Variants in ZMYM2 observed in about 807,000 individuals in gnomAD.
ZMYM2 encodes zinc finger MYM-type containing 2, also known as zinc finger MYM-type protein 2.
In ZMYM2, 56 loss-of-function variants were observed where a neutral mutation model predicts 162.8. That is an observed-to-expected ratio of 0.34 (90% CI 0.28 to 0.43). ZMYM2 has a LOEUF of 0.43. ZMYM2 is among the 20% of genes least tolerant of loss of function. ZMYM2 has a pLI of 1.00. For missense variants in ZMYM2, 1,275 were observed against 1,621.8 expected (o/e 0.79, Z 3.67); for synonymous variants, 510 against 541.6 (o/e 0.94, Z 0.81).
At chr13:19,932,454 C>T in the ZMYM2 span, among the ~76,000 whole-genome samples, 1 of 151,992 alleles carries the variant, frequency 6.6e-6, no homozygotes, top group Non-Finnish European at 1.5e-5. Context: ...TCAAGACCAG[C>T]CTGGTCAATA....
At chr13:19,884,052 G>A in the ZMYM2 span, among the ~76,000 whole-genome samples, 2 of 152,264 alleles carry the variant, frequency 1.3e-5, no homozygotes, top group South Asian at 2.1e-4. Flanking sequence ...GCCCCCGGGC[G>A]TGGCCTATAT....
At chr13:19,923,733 T>G in the ZMYM2 span, among the ~76,000 whole-genome samples, 1 of 148,644 alleles carries the variant, frequency 6.7e-6, no homozygotes, top group Admixed American at 6.9e-5. Flanking sequence ...TGCAGTGGCA[T>G]GATCTTGGCT....
chr13:19,966,732 C>T (rs368230358), intron 2 of ZMYM2, among the ~76,000 whole-genome samples: 5 of 152,150 alleles, frequency 3.3e-5, no homozygotes, highest in East Asian at 1.9e-4. Context: ...TGAGCCACCG[C>T]GCCCAGCCTG....
rs1463035182 is a variant in ZMYM2 at position 20,085,691 on chromosome 13, T to C, written c.3942-131T>C. On this transcript the variant is annotated intron_variant, in intron 24 of 24. Transcript: ENST00000610343. ...TGAGAATATTTTAATGACAGAATAA[T>C]GGAGACAGTGGGGCATAGGGGGTCT... 4 of 623,108 alleles carry C rather than the reference T, an allele frequency of 6.4e-6. No homozygotes were observed. The East Asian group carries it at 8.4e-5, about 13-fold the overall frequency. 38.6% of individuals were successfully genotyped at this position (623,108 alleles called of 1,614,324 possible).
chr13:19,917,032 C>T, the ZMYM2 span, among the ~76,000 whole-genome samples: 1 of 152,104 alleles, frequency 6.6e-6, no homozygotes, highest in Admixed American at 6.5e-5. Flanking sequence ...GAGCGATCTC[C>T]GCTCGCTGCA....
At chr13:20,029,160 G>T (rs545356980) in intron 9 of ZMYM2, among the ~76,000 whole-genome samples, 31 of 152,346 alleles carry the variant, frequency 2.0e-4, no homozygotes, top group African/African-American at 7.2e-4. Flanking sequence ...AGGTTAGTAA[G>T]TCCAAGATAA....
chr13:19,984,872 T>G (rs752809483), intron 2 of ZMYM2, among the ~76,000 whole-genome samples: 5 of 152,194 alleles, frequency 3.3e-5, no homozygotes, highest in Non-Finnish European at 7.3e-5. Flanking sequence ...TCTAAGGAGA[T>G]CGAATTGACA....
the ZMYM2 span, among the ~76,000 whole-genome samples, chr13:19,906,945 C>G: frequency 6.6e-6 from 1 of 152,076 alleles, no homozygotes; most frequent in African/African-American, 2.4e-5. Context: ...AGGCTGGTCT[C>G]AAACTCCTGG....
intron 2 of ZMYM2, among the ~76,000 whole-genome samples, chr13:19,974,354 T>C (rs1229106072): frequency 2.0e-5 from 3 of 152,232 alleles, no homozygotes; most frequent in African/African-American, 7.2e-5. Context: ...TTAGAGTTGC[T>C]TCATTGTTTT....
chr13:20,041,900 T>G (rs932947078), intron 12 of ZMYM2, among the ~76,000 whole-genome samples: 14 of 152,302 alleles, frequency 9.2e-5, no homozygotes, highest in Admixed American at 7.8e-4. Flanking sequence ...CTCTTCTGGC[T>G]TATAGGGTTT....
intron 21 of ZMYM2, among the ~76,000 whole-genome samples, chr13:20,075,999 T>G (rs1957481083): frequency 1.3e-5 from 2 of 151,022 alleles, no homozygotes; most frequent in Admixed American, 1.3e-4. Context: ...CCAGCCACTT[T>G]TTTTTCTTTA....
At chr13:19,971,362 C>T (rs909207934) in intron 2 of ZMYM2, among the ~76,000 whole-genome samples, 3 of 143,730 alleles carry the variant, frequency 2.1e-5, no homozygotes, top group Non-Finnish European at 3.1e-5. Context: ...CCTCTGCCTC[C>T]GGGGTTGAAG....
intron 12 of ZMYM2, among the ~76,000 whole-genome samples, chr13:20,048,383 C>T (rs1191763882): frequency 6.6e-6 from 1 of 151,750 alleles, no homozygotes; most frequent in East Asian, 1.9e-4. Flanking sequence ...CCGGAGAATT[C>T]CTATGCTTTG....
rs571943195 is a variant in ZMYM2, at chr13:19,995,676, G to GC, written c.847+1763dup. On this transcript the variant is annotated intron_variant, in intron 3 of 24. Transcript: ENST00000610343. ...TTACAGGTGTGAGCCACTGTACCCA[G>GC]CCCCCCACCTTTTTTTTTGAAGGTT... Among the ~76,000 whole-genome samples, 238 of 152,204 alleles carry GC rather than the reference G, an allele frequency of 1.6e-3. 1 individual carries two copies. Among genetic ancestry groups the GC allele is most frequent in the African/African-American group, 5.3e-3 (221 of 41,522 alleles).
chr13:19,926,214 G>A, the ZMYM2 span, among the ~76,000 whole-genome samples: 1 of 151,634 alleles, frequency 6.6e-6, no homozygotes, highest in African/African-American at 2.4e-5. Context: ...ACCCACCTCG[G>A]CCTCCCAAAG....
upstream of ZMYM2, among the ~76,000 whole-genome samples, chr13:19,955,545 C>T (rs566136107): frequency 7.9e-5 from 12 of 152,298 alleles, no homozygotes; most frequent in East Asian, 1.9e-4. Context: ...TCTCAATTAA[C>T]GGTGAGCTCT....
At position 20,087,155 on chromosome 13, in the gene ZMYM2, T is replaced by C. The variant is rs148818395; in HGVS notation, c.*1141T>C. 6.4e-3 allele frequency: 1,198 copies of C among 187,850 alleles called. 13 individuals are homozygous for C. Among genetic ancestry groups the C allele is most frequent in the African/African-American group, 0.025 (1,068 of 42,898 alleles). 11.6% of individuals were successfully genotyped at this position (187,850 alleles called of 1,614,324 possible). A position where few individuals can be genotyped will look rare whatever the true frequency, so the allele number is the denominator to read the frequency against. On this transcript the variant is annotated 3_prime_UTR_variant, in exon 25 of 25. Transcript: ENST00000610343. Reference sequence around the variant, plus strand: ...GATTACCAGTGTAGTAATTCTGATATTGCAAATGATTGAGGAACAAACAAA... The same window carrying C: ...GATTACCAGTGTAGTAATTCTGATACTGCAAATGATTGAGGAACAAACAAA...
chr13:19,884,547 C>T, the ZMYM2 span, among the ~76,000 whole-genome samples: 1 of 151,560 alleles, frequency 6.6e-6, no homozygotes, highest in Non-Finnish European at 1.5e-5. Context: ...CACTCCAGCC[C>T]GGGCAACAGA....
At chr13:19,973,670 CAAAA>C (rs529880853) in intron 2 of ZMYM2, among the ~76,000 whole-genome samples, 5 of 59,004 alleles carry the variant, frequency 8.5e-5, no homozygotes, top group Non-Finnish European at 1.3e-4. Context: ...AACTCCATCT[CAAAA>C]AAAAAAAAAA....
Sources: allele counts gnomAD v4.1 joint callset (sites outside exome capture counted in the v4.1 genomes callset), GRCh38; gene constraint gnomAD v4.1.1; transcripts MANE v1.5; gene names NCBI Gene and HGNC (gene_info 2026-07-23, HGNC 2026-07-21).